Variants in ETFA observed in about 807,000 individuals in gnomAD.
The protein encoded by ETFA is electron transfer flavoprotein subunit alpha, also known as electron transfer flavoprotein subunit alpha, mitochondrial.
In ETFA, 22 loss-of-function variants were observed where a neutral mutation model predicts 46.2. The observed-to-expected ratio is 0.48, with a 90% CI of 0.34 to 0.68. The LOEUF is 0.68. Ranked by LOEUF, ETFA falls within the 30% of genes least tolerant of loss-of-function variation. The pLI, the probability that ETFA is intolerant of heterozygous loss-of-function variation, is 0.01. For synonymous variants in ETFA, 131 were observed against 139.9 expected (o/e 0.94, Z 0.45); for missense variants, 345 against 401.1 (o/e 0.86, Z 1.19).
chr15:76,252,876 T>TACACACAC (rs34804508), intron 9 of ETFA, among the ~76,000 whole-genome samples: 18,677 of 147,440 alleles, frequency 0.13, 1,756 homozygotes, highest in East Asian at 0.43. Flanking sequence ...TGTATGTGTA[T>TACACACAC]ACACACACAC....
intron 9 of ETFA, chr15:76,260,883 A>C: frequency 6.2e-7 from 1 of 1,611,946 alleles, no homozygotes; most frequent in Non-Finnish European, 8.5e-7. Flanking sequence ...CACAAGGACC[A>C]CAACAGCCAG....
At chr15:76,297,203 A>G (rs1476691079) in intron 1 of ETFA, among the ~76,000 whole-genome samples, 1 of 152,168 alleles carries the variant, frequency 6.6e-6, no homozygotes, top group Non-Finnish European at 1.5e-5. Flanking sequence ...ATGAAATGAA[A>G]GTTCTTAGAA....
At position 76,285,633 on chromosome 15, in the gene ETFA, TTACCACCAGA is replaced by T; in HGVS notation, c.658_664+3del. 6.6e-7 allele frequency: 1 copy of T among 1,517,966 alleles called. No homozygotes were observed. The highest frequency in any genetic ancestry group is 9.2e-7 in the Non-Finnish European group (1 of 1,092,748). The allele number at this position is 1,517,966 out of a possible 1,614,324, so 94.0% of individuals were successfully genotyped here. On this transcript the variant is annotated splice_donor_variant and splice_donor_region_variant and coding_sequence_variant and intron_variant, in exon 7 of 12. Transcript: ENST00000557943. LOFTEE classifies it high-confidence loss of function. ...ACATCTTTTAAGATTAATATTTCAC[TTACCACCAGA>T]TACCACCACTTTGGCACCTGTTAGC...
intron 2 of ETFA, among the ~76,000 whole-genome samples, chr15:76,294,338 C>T (rs190161598): frequency 6.6e-6 from 1 of 152,252 alleles, no homozygotes; most frequent in African/African-American, 2.4e-5. Flanking sequence ...TACAGACATA[C>T]AAATAGATAG....
At chr15:76,311,266 G>A (rs2039994884) in intron 1 of ETFA, 84 bp downstream of exon 1, 18 of 1,458,830 alleles carry the variant, frequency 1.2e-5, no homozygotes, top group Non-Finnish European at 1.6e-5. Context: ...AATCTGAGGG[G>A]GCCAGTGATC....
chr15:76,280,354 G>A (rs546520940), intron 8 of ETFA, among the ~76,000 whole-genome samples: 18 of 151,902 alleles, frequency 1.2e-4, no homozygotes, highest in Admixed American at 2.0e-4. Context: ...CCTACCACTC[G>A]CCAGGAAAAA....
intron 1 of ETFA, chr15:76,309,866 G>A (rs1344362804): frequency 6.6e-6 from 1 of 152,108 alleles, no homozygotes; most frequent in African/African-American, 2.4e-5. Flanking sequence ...TAACCTGAAA[G>A]ACATGGGTTT....
chr15:76,279,027 C>A (rs59691037), intron 8 of ETFA, among the ~76,000 whole-genome samples: 14,657 of 152,164 alleles, frequency 0.096, 866 homozygotes, highest in Middle Eastern at 0.15. Context: ...CATGTTATTA[C>A]CTGTCCCAGC....
chr15:76,261,280 A>C, intron 9 of ETFA: 3 of 1,571,576 alleles, frequency 1.9e-6, no homozygotes, highest in Non-Finnish European at 2.6e-6. Flanking sequence ...TTTTGGCTCC[A>C]CTGTGAAAAG....
chr15:76,281,444 G>C (rs879265036), intron 8 of ETFA, among the ~76,000 whole-genome samples: 1 of 104,986 alleles, frequency 9.5e-6, no homozygotes, highest in African/African-American at 3.8e-5. Flanking sequence ...TTTTTTTTTT[G>C]AGACAGAGTC....
chr15:76,218,354 G>A (rs1238315188), intron 11 of ETFA, among the ~76,000 whole-genome samples: 2 of 151,916 alleles, frequency 1.3e-5, no homozygotes, highest in Non-Finnish European at 2.9e-5. Flanking sequence ...TGCAAGCTCC[G>A]TCTCCCAGGT....
At chr15:76,267,486 A>C (rs938418036) in intron 9 of ETFA, among the ~76,000 whole-genome samples, 1 of 152,182 alleles carries the variant, frequency 6.6e-6, no homozygotes, top group African/African-American at 2.4e-5. Context: ...TTCCATTTCT[A>C]TAATTAACAT....
intron 11 of ETFA, among the ~76,000 whole-genome samples, chr15:76,223,899 A>G (rs970558192): frequency 2.0e-5 from 3 of 152,206 alleles, no homozygotes; most frequent in Admixed American, 6.5e-5. Flanking sequence ...AACACTGAAA[A>G]TTTCCAACTG....
chr15:76,262,111 A>C (rs779687944), intron 9 of ETFA, among the ~76,000 whole-genome samples: 3 of 152,190 alleles, frequency 2.0e-5, no homozygotes, highest in Admixed American at 6.5e-5. Flanking sequence ...TCAAACTAAA[A>C]AATATAAAGC....
At chr15:76,267,906 C>A (rs540054002) in intron 9 of ETFA, among the ~76,000 whole-genome samples, 17 of 152,244 alleles carry the variant, frequency 1.1e-4, no homozygotes, top group African/African-American at 3.9e-4. Flanking sequence ...CAGGTGACAA[C>A]CAGGTGTCTG....
chr15:76,255,472 T>G (rs2039338152), intron 9 of ETFA, among the ~76,000 whole-genome samples: 1 of 152,238 alleles, frequency 6.6e-6, no homozygotes, highest in African/African-American at 2.4e-5. Flanking sequence ...GTGACATTGC[T>G]GAATTCCTGC....
chr15:76,267,073 C>A (rs1456090388), intron 9 of ETFA, among the ~76,000 whole-genome samples: 1 of 152,142 alleles, frequency 6.6e-6, no homozygotes, highest in Admixed American at 6.5e-5. Context: ...AGTAAATGCT[C>A]CCTGTTCAAA....
chr15:76,259,258 C>G (rs1032543798), intron 9 of ETFA: 1 of 1,564,518 alleles, frequency 6.4e-7, no homozygotes, highest in African/African-American at 1.4e-5. Context: ...TATAAGGGGT[C>G]CTGGCTGGCG....
intron 1 of ETFA, among the ~76,000 whole-genome samples, chr15:76,298,045 A>ATT (rs776554589): frequency 5.8e-5 from 8 of 138,800 alleles, no homozygotes; most frequent in Middle Eastern, 3.7e-3. Flanking sequence ...CAGATTAGAG[A>ATT]TTTTTTTTTT....
Sources: gnomAD v4.1 joint callset for allele counts (sites outside exome capture counted in the v4.1 genomes callset) on GRCh38, gnomAD v4.1.1 for gene constraint, MANE v1.5 for transcripts, NCBI Gene and HGNC (gene_info 2026-07-23, HGNC 2026-07-21) for gene names.